Variants in GRAMD1B observed in about 807,000 individuals in gnomAD.
GRAMD1B encodes the protein protein Aster-B.
GRAMD1B carries 37 observed loss-of-function variants against 99.7 expected under a neutral mutation model. The observed-to-expected ratio is 0.37, with a 90% CI of 0.29 to 0.49. The LOEUF (loss-of-function observed/expected upper bound fraction) is 0.49. Among genes scored for constraint, GRAMD1B ranks in the 20% least tolerant of loss-of-function variants. The probability of loss-of-function intolerance (pLI) is 0.98; values close to 1 mark genes in which losing one functional copy is unlikely to be tolerated. For synonymous variants in GRAMD1B, 427 were observed against 387.6 expected (o/e 1.10, Z -1.19); for missense variants, 888 against 1,009.2 (o/e 0.88, Z 1.63).
chr11:123,386,855 C>T (rs1947081547), intron 1 of GRAMD1B, among the ~76,000 whole-genome samples: 1 of 152,228 alleles, frequency 6.6e-6, no homozygotes, highest in African/African-American at 2.4e-5. Flanking sequence ...CAGATGAACC[C>T]CTTTCCTTGG....
intron 1 of GRAMD1B, among the ~76,000 whole-genome samples, chr11:123,468,979 A>G (rs1394252165): frequency 3.3e-5 from 5 of 151,968 alleles, no homozygotes; most frequent in African/African-American, 1.2e-4. Flanking sequence ...CATAGATGCT[A>G]TTGTCACCCC....
intron 7 of GRAMD1B, chr11:123,597,798 A>G: frequency 1.7e-6 from 1 of 601,840 alleles, no homozygotes; most frequent in Non-Finnish European, 3.0e-6. Flanking sequence ...GCATTCTGCC[A>G]GCCTGCCTTG....
intron 1 of GRAMD1B, among the ~76,000 whole-genome samples, chr11:123,433,708 GTGTGTC>G (rs150873843): frequency 1.3e-4 from 19 of 143,436 alleles, no homozygotes; most frequent in Middle Eastern, 3.7e-3. Context: ...GTGTGTGTGT[GTGTGTC>G]TTTGTGTGTA....
intron 2 of GRAMD1B, among the ~76,000 whole-genome samples, chr11:123,511,464 T>C (rs891554998): frequency 6.6e-6 from 1 of 152,088 alleles, no homozygotes; most frequent in Non-Finnish European, 1.5e-5. Flanking sequence ...TCCTGGCTCC[T>C]GCTTGCAATT....
At position 123,608,698 on chromosome 11, in the gene GRAMD1B, A is replaced by G; in HGVS notation, c.1553A>G (p.Gln518Arg). ...TTCTATGAGGACCTGAGTGGCCGGC[A>G]GTACGTGAATGAAGTCTTCAACTTC... is the stretch of plus-strand genomic sequence containing the variant. ...QAFYEDLSGR[Q>R]YVNEVFNFSV... Residue 518 changes from glutamine (Q) to arginine (R), a missense_variant, in exon 12 of 20, where the codon CAG becomes CGG. Gln to Arg is a conservative substitution (Grantham distance 43). Coordinates refer to ENST00000635736, the MANE Select transcript of GRAMD1B (RefSeq NM_001387025.1). 1.3e-6 allele frequency: 2 copies of G among 1,566,820 alleles called. No individual in the cohort carries two copies. Among genetic ancestry groups the G allele is most frequent in the Non-Finnish European group, 1.7e-6 (2 of 1,154,604 alleles).
chr11:123,618,857 CT>C, intron 18 of GRAMD1B, 57 bp downstream of exon 18: 1 of 886,782 alleles, frequency 1.1e-6, no homozygotes, highest in Non-Finnish European at 1.8e-6. Context: ...GCCATGATAC[CT>C]GTCTCCCAGT....
rs545404869 is a variant in GRAMD1B, at chr11:123,380,188, C to T, written c.-176+21389C>T. 2.0e-5 allele frequency among the ~76,000 whole-genome samples: 3 copies of T among 152,308 alleles called. No individual in the cohort carries two copies. In the East Asian group the frequency reaches 5.8e-4, roughly 29 times the overall value. On this transcript the variant is annotated intron_variant, in intron 1 of 20. Transcript: ENST00000638157. ...CGAAACCTTCTAATTTCGATGACGTCCAGTTCACTCACCCTTTATTGCTTG... is the reference window on the plus strand; with the variant it reads ...CGAAACCTTCTAATTTCGATGACGTTCAGTTCACTCACCCTTTATTGCTTG...
intron 2 of GRAMD1B, among the ~76,000 whole-genome samples, chr11:123,568,018 G>A (rs1259056147): frequency 6.6e-6 from 1 of 152,154 alleles, no homozygotes; most frequent in Non-Finnish European, 1.5e-5. Context: ...TCCCTAATGA[G>A]ACTATTTCTA....
intron 2 of GRAMD1B, among the ~76,000 whole-genome samples, chr11:123,565,207 T>C (rs958588658): frequency 6.6e-6 from 1 of 151,182 alleles, no homozygotes; most frequent in African/African-American, 2.4e-5. Flanking sequence ...TAATTCTTTT[T>C]TTTTTTTTTT....
chr11:123,397,092 C>G (rs1342020903), intron 1 of GRAMD1B, among the ~76,000 whole-genome samples: 1 of 151,950 alleles, frequency 6.6e-6, no homozygotes, highest in African/African-American at 2.4e-5. Context: ...TTTTCCTGTG[C>G]TTATCTTCGT....
intron 1 of GRAMD1B, among the ~76,000 whole-genome samples, chr11:123,374,746 G>A (rs1946637728): frequency 6.6e-6 from 1 of 152,176 alleles, no homozygotes; most frequent in South Asian, 2.1e-4. Context: ...CTTGGGTCAT[G>A]CGGTGACAGA....
At chr11:123,420,361 C>T (rs1948386583) in intron 1 of GRAMD1B, among the ~76,000 whole-genome samples, 1 of 152,102 alleles carries the variant, frequency 6.6e-6, no homozygotes, top group African/African-American at 2.4e-5. Context: ...GTATTAAAGA[C>T]ACTTGGGTAA....
intron 2 of GRAMD1B, among the ~76,000 whole-genome samples, chr11:123,558,290 T>G (rs1946367473): frequency 6.6e-6 from 1 of 152,050 alleles, no homozygotes. Flanking sequence ...AGCCCAAAGA[T>G]ATTTACTGAA....
At chr11:123,392,033 G>A (rs144782777) in intron 1 of GRAMD1B, among the ~76,000 whole-genome samples, 94 of 152,302 alleles carry the variant, frequency 6.2e-4, no homozygotes, top group African/African-American at 2.0e-3. Context: ...TGGCATCTGA[G>A]CTGAGATCTG....
intron 2 of GRAMD1B, chr11:123,526,188 T>C: frequency 1.9e-6 from 3 of 1,606,364 alleles, no homozygotes; most frequent in South Asian, 1.1e-5. Context: ...AGAGGAGGGA[T>C]AGGGCACCTT....
At chr11:123,421,584 T>G (rs1048794313) in intron 1 of GRAMD1B, among the ~76,000 whole-genome samples, 7 of 152,238 alleles carry the variant, frequency 4.6e-5, no homozygotes, top group African/African-American at 1.7e-4. Context: ...TGGGATGAGA[T>G]AGCTAATTCT....
chr11:123,481,810 G>C (rs1951624159), intron 2 of GRAMD1B, among the ~76,000 whole-genome samples: 1 of 152,222 alleles, frequency 6.6e-6, no homozygotes, highest in Non-Finnish European at 1.5e-5. Context: ...TTTGCCTACA[G>C]AAAGTTGATG....
intron 2 of GRAMD1B, chr11:123,526,172 G>C: frequency 6.2e-7 from 1 of 1,612,188 alleles, no homozygotes; most frequent in Non-Finnish European, 8.5e-7. Flanking sequence ...AGCTCTCCTG[G>C]TAAGTAGAGG....
chr11:123,545,356 G>A (rs1290812), intron 2 of GRAMD1B, among the ~76,000 whole-genome samples: 57,152 of 151,990 alleles, frequency 0.38, 12,674 homozygotes, highest in African/African-American at 0.62. Flanking sequence ...CCGGGAATCC[G>A]ATTATCAATA....
Sources: gnomAD v4.1 joint callset for allele counts (sites outside exome capture counted in the v4.1 genomes callset) on GRCh38, gnomAD v4.1.1 for gene constraint, MANE v1.5 for transcripts, NCBI Gene and HGNC (gene_info 2026-07-23, HGNC 2026-07-21) for gene names.